Variants in TENM1 observed in about 807,000 individuals in gnomAD.
TENM1 encodes teneurin transmembrane protein 1.
Under a neutral mutation model 174.8 loss-of-function variants are expected in TENM1, and 35 were observed. The observed-to-expected ratio is 0.20, with a 90% CI of 0.15 to 0.27. TENM1 has a LOEUF of 0.27. Among genes scored for constraint, TENM1 ranks in the 10% least tolerant of loss-of-function variants. The pLI is 1.00. For missense variants in TENM1, 1,633 were observed against 2,130.1 expected, an observed-to-expected ratio of 0.77 and a Z score of 4.59; for synonymous variants, 781 against 798.7, an observed-to-expected ratio of 0.98 and a Z score of 0.37.
At chrX:125,133,459 C>G in the TENM1 span, among the ~76,000 whole-genome samples, 2 of 111,354 alleles carry the variant, frequency 1.8e-5, no homozygotes, top group African/African-American at 3.3e-5. Context: ...ATCCCTACCC[C>G]CAAGGTTACA....
chrX:124,451,728 G>A (rs1243855146), intron 23 of TENM1, among the ~76,000 whole-genome samples: 13 of 111,462 alleles, frequency 1.2e-4, no homozygotes, highest in African/African-American at 4.2e-4. Context: ...CACATCTATA[G>A]CTATCTGATC....
chrX:125,164,770 A>G, the TENM1 span, among the ~76,000 whole-genome samples: 1 of 111,745 alleles, frequency 8.9e-6, no homozygotes, highest in Non-Finnish European at 1.9e-5. Context: ...TGTGTCTTTA[A>G]TTCTCTACTG....
intron 3 of TENM1, among the ~76,000 whole-genome samples, chrX:124,752,478 C>T (rs1444923930): frequency 9.0e-6 from 1 of 111,467 alleles, no homozygotes; most frequent in Non-Finnish European, 1.9e-5. Context: ...TTTTGCTGTG[C>T]AGAAGCTCTT....
chrX:124,649,239 G>T (rs2051236486), intron 8 of TENM1, among the ~76,000 whole-genome samples: 1 of 112,419 alleles, frequency 8.9e-6, no homozygotes, highest in African/African-American at 3.2e-5. Flanking sequence ...CTGTTCTTAT[G>T]CTACAGTCAA....
At chrX:125,073,574 A>G in the TENM1 span, among the ~76,000 whole-genome samples, 1 of 111,109 alleles carries the variant, frequency 9.0e-6, no homozygotes, top group Non-Finnish European at 1.9e-5. Context: ...AGTAGGAGTC[A>G]CCTGCAGTAT....
intron 5 of TENM1, among the ~76,000 whole-genome samples, chrX:124,698,221 C>T (rs1005973484): frequency 4.5e-5 from 5 of 110,634 alleles, no homozygotes; most frequent in African/African-American, 1.6e-4. Flanking sequence ...TAGTTACCTC[C>T]AAAGTTTCAG....
the TENM1 span, among the ~76,000 whole-genome samples, chrX:125,134,212 C>T: frequency 8.9e-6 from 1 of 112,065 alleles, no homozygotes; most frequent in Non-Finnish European, 1.9e-5. Context: ...TACACATAGT[C>T]TGCAGCAGCC....
At chrX:124,533,625 T>C (rs2048150848) in intron 15 of TENM1, among the ~76,000 whole-genome samples, 1 of 111,852 alleles carries the variant, frequency 8.9e-6, no homozygotes, top group South Asian at 3.8e-4. Context: ...AAAACTACCT[T>C]CAACCTGAGT....
chrX:124,725,940 T>C (rs1182822096), intron 4 of TENM1, among the ~76,000 whole-genome samples: 3 of 112,555 alleles, frequency 2.7e-5, no homozygotes, highest in Non-Finnish European at 5.6e-5. Context: ...AATGAAGTTG[T>C]TAAGAACTTG....
At chrX:124,912,868 TG>T (rs765287921) in intron 1 of TENM1, among the ~76,000 whole-genome samples, 1 of 111,255 alleles carries the variant, frequency 9.0e-6, no homozygotes, top group South Asian at 3.8e-4. Flanking sequence ...AAAATTCAAA[TG>T]GGCCTTAGGA....
At chrX:124,859,451 G>A in intron 3 of TENM1, among the ~76,000 whole-genome samples, 1 of 107,862 alleles carries the variant, frequency 9.3e-6, no homozygotes, top group Non-Finnish European at 1.9e-5. Flanking sequence ...GGCTGAGGTA[G>A]GAGAATCACT....
At chrX:125,190,421 T>C in the TENM1 span, among the ~76,000 whole-genome samples, 4 of 112,509 alleles carry the variant, frequency 3.6e-5, no homozygotes, top group Non-Finnish European at 7.5e-5. Flanking sequence ...AGCAAATTGC[T>C]AGTGCTTTCC....
chrX:124,393,661 C>A (rs2060304875), intron 27 of TENM1, among the ~76,000 whole-genome samples: 1 of 111,753 alleles, frequency 8.9e-6, no homozygotes, highest in African/African-American at 3.3e-5. Flanking sequence ...CATAGTCTGA[C>A]TCACAAGAAG....
chrX:125,083,289 T>G, the TENM1 span, among the ~76,000 whole-genome samples: 5 of 111,682 alleles, frequency 4.5e-5, no homozygotes, highest in African/African-American at 1.6e-4. Context: ...TATGGCTTAT[T>G]TACATAGTAT....
the TENM1 span, among the ~76,000 whole-genome samples, chrX:125,048,990 C>T: frequency 1.8e-5 from 2 of 111,731 alleles, no homozygotes; most frequent in African/African-American, 6.5e-5. Context: ...TTGTTGTGAA[C>T]ATTAAATATG....
chrX:125,186,127 C>T, the TENM1 span, among the ~76,000 whole-genome samples: 10 of 110,618 alleles, frequency 9.0e-5, no homozygotes, highest in Admixed American at 8.7e-4. Context: ...TATAATAGTC[C>T]TAATTTCTTA....
chrX:124,825,939 A>ATT (rs1252466301), intron 3 of TENM1, among the ~76,000 whole-genome samples: 4 of 112,419 alleles, frequency 3.6e-5, no homozygotes, highest in Admixed American at 9.4e-5. Context: ...AGGTCCTCTC[A>ATT]TACACTATCG....
At chrX:124,879,941 G>A (rs1420532794) in intron 3 of TENM1, among the ~76,000 whole-genome samples, 1 of 111,871 alleles carries the variant, frequency 8.9e-6, no homozygotes, top group Non-Finnish European at 1.9e-5. Flanking sequence ...TGCTGTTTTG[G>A]TTACTATGGT....
the TENM1 span, among the ~76,000 whole-genome samples, chrX:125,001,287 C>T: frequency 4.5e-5 from 5 of 111,072 alleles, no homozygotes; most frequent in Admixed American, 1.9e-4. Context: ...GGTCTGGCAG[C>T]GCCCTTTCTA....
Sources: gnomAD v4.1 joint callset for allele counts (sites outside exome capture counted in the v4.1 genomes callset) on GRCh38, gnomAD v4.1.1 for gene constraint, MANE v1.5 for transcripts, NCBI Gene and HGNC (gene_info 2026-07-23, HGNC 2026-07-21) for gene names.